Variants in PTPRO observed in about 807,000 individuals in gnomAD.
The protein encoded by PTPRO is receptor-type tyrosine-protein phosphatase O.
In PTPRO, 62 loss-of-function variants were observed where a neutral mutation model predicts 145.2. The ratio of observed to expected loss-of-function variants is 0.43; its 90% CI spans 0.35 to 0.53. PTPRO has a LOEUF of 0.53. PTPRO is among the 20% of genes least tolerant of loss of function. The probability of loss-of-function intolerance (pLI) is 0.01; values close to 1 mark genes in which losing one functional copy is unlikely to be tolerated. For synonymous variants in PTPRO, 565 were observed against 514.7 expected (o/e 1.10, Z -1.32); for missense variants, 1,345 against 1,482.7 (o/e 0.91, Z 1.53).
At chr12:15,326,326 ACC>A (rs1866446117) in intron 1 of PTPRO, among the ~76,000 whole-genome samples, 1 of 152,034 alleles carries the variant, frequency 6.6e-6, no homozygotes, top group Admixed American at 6.6e-5. Flanking sequence ...TTTTGGAGAA[ACC>A]TTTTTACATG....
intron 1 of PTPRO, among the ~76,000 whole-genome samples, chr12:15,424,733 T>C (rs140203060): frequency 6.6e-6 from 1 of 151,980 alleles, no homozygotes; most frequent in Non-Finnish European, 1.5e-5. Flanking sequence ...TATTCCCAGA[T>C]GAAGAAAGGG....
chr12:15,513,326 A>T (rs562044114), intron 7 of PTPRO, among the ~76,000 whole-genome samples: 15 of 152,254 alleles, frequency 9.9e-5, no homozygotes, highest in Non-Finnish European at 2.1e-4. Context: ...TCAGATGAAG[A>T]GATATAGTTG....
At chr12:15,420,072 G>A (rs923654313) in intron 1 of PTPRO, among the ~76,000 whole-genome samples, 6 of 149,094 alleles carry the variant, frequency 4.0e-5, no homozygotes, top group Non-Finnish European at 3.0e-5. Context: ...GTGTGAAACC[G>A]GGAGGCGGAG....
chr12:15,475,276 A>G (rs1941629651), intron 1 of PTPRO, among the ~76,000 whole-genome samples: 1 of 152,242 alleles, frequency 6.6e-6, no homozygotes, highest in Non-Finnish European at 1.5e-5. Flanking sequence ...TTTCTGAGTT[A>G]GTGAATCATC....
At chr12:15,418,088 C>T (rs1591794217) in intron 1 of PTPRO, among the ~76,000 whole-genome samples, 1 of 151,904 alleles carries the variant, frequency 6.6e-6, no homozygotes, top group African/African-American at 2.4e-5. Flanking sequence ...ATTTCAGCTG[C>T]TATTTTTTTC....
chr12:15,571,879 A>G (rs1944059853), intron 19 of PTPRO, among the ~76,000 whole-genome samples: 1 of 152,234 alleles, frequency 6.6e-6, no homozygotes, highest in Admixed American at 6.5e-5. Flanking sequence ...CCAAACCATA[A>G]GCGATTAGCA....
At chr12:15,367,012 CACAA>C (rs2136251408) in intron 1 of PTPRO, among the ~76,000 whole-genome samples, 1 of 152,176 alleles carries the variant, frequency 6.6e-6, no homozygotes, top group South Asian at 2.1e-4. Flanking sequence ...AACTCTGGAA[CACAA>C]ACAAGATAAA....
At chr12:15,372,333 T>C (rs1938556204) in intron 1 of PTPRO, among the ~76,000 whole-genome samples, 1 of 152,196 alleles carries the variant, frequency 6.6e-6, no homozygotes, top group Admixed American at 6.5e-5. Context: ...CTTTACTGTC[T>C]ATAGCAGGAA....
chr12:15,435,999 A>T (rs1363380535), intron 1 of PTPRO, among the ~76,000 whole-genome samples: 1 of 152,232 alleles, frequency 6.6e-6, no homozygotes, highest in Non-Finnish European at 1.5e-5. Context: ...TCATCATGGA[A>T]ACTGAACAAC....
chr12:15,472,285 C>T (rs1486785458), intron 1 of PTPRO, among the ~76,000 whole-genome samples: 1 of 152,210 alleles, frequency 6.6e-6, no homozygotes, highest in Non-Finnish European at 1.5e-5. Context: ...GCCTATTGGC[C>T]TTACATCATC....
chr12:15,572,926 T>G (rs1035247709), intron 19 of PTPRO, among the ~76,000 whole-genome samples: 1 of 152,194 alleles, frequency 6.6e-6, no homozygotes, highest in Non-Finnish European at 1.5e-5. Flanking sequence ...TAAATGCTCT[T>G]CAATGAGTGG....
At chr12:15,417,145 G>A (rs10772847) in intron 1 of PTPRO, among the ~76,000 whole-genome samples, 110,337 of 151,274 alleles carry the variant, frequency 0.73, 40,643 homozygotes, top group East Asian at 0.76. Context: ...AAAGGTGCCC[G>A]GCACATGGTT....
intron 12 of PTPRO, among the ~76,000 whole-genome samples, chr12:15,527,431 G>A (rs1206272159): frequency 6.6e-6 from 1 of 152,232 alleles, no homozygotes; most frequent in East Asian, 1.9e-4. Flanking sequence ...GTGACTGCCT[G>A]AAGGGAGAAA....
chr12:15,526,162 T>G lies in PTPRO; in HGVS notation c.2064T>G (p.Thr688=). Residue 688 remains threonine (T), a synonymous_variant, in exon 12 of 27, where the codon ACT becomes ACG. Coordinates refer to ENST00000281171, the MANE Select transcript of PTPRO (RefSeq NM_030667.3). ...IKKSVTRNVM[T]AILSLPPGDI... is the part of the protein sequence containing the mutation. ...TGCAGGTAACACGCAATGTCATGAC[T>G]GCAATTCTCAGCTTGCCTCCAGGCG... 1.9e-6 allele frequency: 3 copies of G among 1,614,040 alleles called. No individual in the cohort carries two copies. Among genetic ancestry groups the G allele is most frequent in the Non-Finnish European group, 2.5e-6 (3 of 1,179,918 alleles).
chr12:15,557,504 G>C lies in PTPRO; in HGVS notation c.2608G>C (p.Gly870Arg). Residue 870 changes from glycine (G) to arginine (R), a missense_variant, in exon 16 of 27, where the codon GGA (glycine) becomes CGA (arginine). Around this residue, in one of 3 missense-constraint regions of PTPRO, gnomAD observed 1,130 missense variants for 1,214.7 expected, o/e 0.93. Transcript: ENST00000281171. ...CAATTTTGCATCCTTAGAGAGGGAT[G>C]GAAAGCTTCCATACAACTGGTGAGT... is the stretch of plus-strand genomic sequence containing the variant. ...FVNFASLERD[G>R]KLPYNWRRSI... The C allele has an allele frequency of 6.2e-7, 1 of 1,613,798 alleles. No individual in the cohort carries two copies. Among genetic ancestry groups the C allele is most frequent in the Non-Finnish European group, 8.5e-7 (1 of 1,179,730 alleles).
At position 15,322,897 on chromosome 12, in the gene PTPRO, C is replaced by A; in HGVS notation, c.75+96C>A. ...CCGTTGGGAGCGGCGCGCCCCAGGG[C>A]ACGATGGCCCAGCCGCGGGAAGCGC... On this transcript the variant is annotated intron_variant, in intron 1 of 26. Coordinates refer to ENST00000281171, the MANE Select transcript of PTPRO (RefSeq NM_030667.3). The surrounding 1 kb of genome is among the most constrained non-coding windows in gnomAD (Gnocchi z 6.3). 2 of 1,251,214 alleles carry A rather than the reference C, an allele frequency of 1.6e-6. No homozygotes were observed. The highest frequency in any genetic ancestry group is 2.2e-6 in the Non-Finnish European group (2 of 893,826). The allele number at this position is 1,251,214 out of a possible 1,614,324, so 77.5% of individuals were successfully genotyped here.
At chr12:15,440,981 C>T (rs1940749646) in intron 1 of PTPRO, among the ~76,000 whole-genome samples, 1 of 152,156 alleles carries the variant, frequency 6.6e-6, no homozygotes, top group Admixed American at 6.5e-5. Flanking sequence ...CAAAGAAACT[C>T]TGAACTTAAA....
intron 12 of PTPRO, among the ~76,000 whole-genome samples, chr12:15,532,663 A>G (rs2136541548): frequency 6.6e-6 from 1 of 152,296 alleles, no homozygotes; most frequent in East Asian, 1.9e-4. Flanking sequence ...CTTGTGGTCT[A>G]TACTTAAATT....
intron 23 of PTPRO, among the ~76,000 whole-genome samples, chr12:15,584,196 G>A (rs942381927): frequency 5.3e-5 from 8 of 152,202 alleles, no homozygotes; most frequent in African/African-American, 1.9e-4. Flanking sequence ...TATCCCTGTG[G>A]AATGAATAAA....
Sources: allele counts gnomAD v4.1 joint callset (sites outside exome capture counted in the v4.1 genomes callset), GRCh38; gene constraint gnomAD v4.1.1; regional missense constraint gnomAD v4.1.1; non-coding constraint Gnocchi (gnomAD v3.1); transcripts MANE v1.5; gene names NCBI Gene and HGNC (gene_info 2026-07-23, HGNC 2026-07-21).